Variants in ADAMTS18 observed in about 807,000 individuals in gnomAD.
ADAMTS18 encodes the protein A disintegrin and metalloproteinase with thrombospondin motifs 18.
A neutral mutation model predicts 165.9 loss-of-function variants in ADAMTS18; 157 were observed. That is an observed-to-expected ratio of 0.95 (90% CI 0.83 to 1.08). The LOEUF (loss-of-function observed/expected upper bound fraction) is 1.08, where lower values mean the gene tolerates loss of function less well. ADAMTS18 is among the 50% of genes least tolerant of loss of function. The pLI, the probability that ADAMTS18 is intolerant of heterozygous loss-of-function variation, is 0.00. For synonymous variants in ADAMTS18, 782 were observed against 578.2 expected, an observed-to-expected ratio of 1.35 and a Z score of -5.06; for missense variants, 2,040 against 1,534.0, an observed-to-expected ratio of 1.33 and a Z score of -5.51.
chr16:77,392,982 G>C (rs1194231908), intron 3 of ADAMTS18, among the ~76,000 whole-genome samples: 1 of 152,030 alleles, frequency 6.6e-6, no homozygotes, highest in Non-Finnish European at 1.5e-5. Context: ...GAAAATGTAG[G>C]CAGTAAAGAA....
intron 16 of ADAMTS18, among the ~76,000 whole-genome samples, chr16:77,307,374 G>A (rs1052930993): frequency 6.6e-6 from 1 of 152,162 alleles, no homozygotes; most frequent in African/African-American, 2.4e-5. Context: ...TTGCTATTAT[G>A]TGTGAGTGAT....
chr16:77,429,176 G>A (rs2057708712), intron 3 of ADAMTS18, among the ~76,000 whole-genome samples: 1 of 152,172 alleles, frequency 6.6e-6, no homozygotes, highest in Non-Finnish European at 1.5e-5. Flanking sequence ...CAAGGACATG[G>A]AATCAACCTA....
intron 12 of ADAMTS18, among the ~76,000 whole-genome samples, chr16:77,331,353 AACTAT>A (rs2056186256): frequency 6.6e-6 from 1 of 152,296 alleles, no homozygotes; most frequent in South Asian, 2.1e-4. Context: ...CAGATCCATG[AACTAT>A]ACTTCACAAA....
intron 3 of ADAMTS18, among the ~76,000 whole-genome samples, chr16:77,424,103 G>A (rs1393935990): frequency 6.6e-6 from 1 of 152,188 alleles, no homozygotes; most frequent in Non-Finnish European, 1.5e-5. Context: ...AAGGCCCAGA[G>A]ACATGAAGGA....
intron 3 of ADAMTS18, among the ~76,000 whole-genome samples, chr16:77,367,948 C>T (rs2056822967): frequency 6.6e-6 from 1 of 152,130 alleles, no homozygotes; most frequent in African/African-American, 2.4e-5. Context: ...ACAAACATGG[C>T]CCACTGCAGC....
rs764081033 is a variant in ADAMTS18, at chr16:77,293,160, G to C, written c.3105C>G (p.Pro1035=). The part of the protein sequence containing the change: ...TLPESQCTSL[P]RPELQEGCVL... The stretch of plus-strand genomic sequence containing the variant: ...CACAGCCCTCCTGCAGCTCAGGTCT[G>C]GGGAGACTGGTACACTGGCTCTCGG... Residue 1035 remains proline, a synonymous_variant, in exon 20 of 23, where the codon CCC becomes CCG. Coordinates refer to ENST00000282849, the MANE Select transcript of ADAMTS18 (RefSeq NM_199355.4). 2 of 1,613,978 alleles carry C rather than the reference G, an allele frequency of 1.2e-6. No homozygotes were observed. Among genetic ancestry groups the C allele is most frequent in the South Asian group, 2.2e-5 (2 of 91,062 alleles).
intron 3 of ADAMTS18, among the ~76,000 whole-genome samples, chr16:77,427,616 G>C (rs78735951): frequency 0.017 from 2,624 of 152,292 alleles, 80 homozygotes; most frequent in African/African-American, 0.06. Context: ...ACAGGGGTGA[G>C]CTTTTCTAGG....
chr16:77,356,517 G>A (rs1292231830), intron 8 of ADAMTS18, among the ~76,000 whole-genome samples: 1 of 152,128 alleles, frequency 6.6e-6, no homozygotes. Context: ...AGTTGTTTAT[G>A]AACTGTTCAT....
intron 3 of ADAMTS18, among the ~76,000 whole-genome samples, chr16:77,369,850 C>A (rs1285993414): frequency 6.6e-6 from 1 of 152,148 alleles, no homozygotes; most frequent in South Asian, 2.1e-4. Context: ...AAAATACTAG[C>A]AAACCAAATT....
chr16:77,418,839 A>G (rs1038531728), intron 3 of ADAMTS18, among the ~76,000 whole-genome samples: 9 of 152,274 alleles, frequency 5.9e-5, no homozygotes, highest in Admixed American at 3.3e-4. Context: ...AATTACCACA[A>G]ACTCAGCAGC....
intron 3 of ADAMTS18, among the ~76,000 whole-genome samples, chr16:77,416,483 T>C (rs1419186038): frequency 1.3e-5 from 2 of 152,132 alleles, no homozygotes; most frequent in East Asian, 3.9e-4. Context: ...ACTGTTCTCA[T>C]GGTAGTGAGT....
intron 20 of ADAMTS18, 28 bp from the exon 21 acceptor site, chr16:77,291,506 G>T: frequency 6.2e-7 from 1 of 1,606,912 alleles, no homozygotes; most frequent in African/African-American, 1.3e-5. Context: ...ATGTGTAAAA[G>T]TGAAGACTGC....
chr16:77,430,847 G>T (rs1389633830), intron 3 of ADAMTS18, among the ~76,000 whole-genome samples: 4 of 152,194 alleles, frequency 2.6e-5, no homozygotes, highest in Non-Finnish European at 5.9e-5. Context: ...GTTCAAAGAA[G>T]ACAAAAGGCC....
At chr16:77,294,880 C>T (rs1394263141) in intron 19 of ADAMTS18, 43 bp downstream of exon 19, 14 of 1,598,988 alleles carry the variant, frequency 8.8e-6, no homozygotes, top group Non-Finnish European at 1.1e-5. Context: ...CTTTTGCCTT[C>T]ATGGGGACCG....
chr16:77,355,894 T>C, intron 9 of ADAMTS18, 46 bp downstream of exon 9: 9 of 1,612,710 alleles, frequency 5.6e-6, no homozygotes, highest in Non-Finnish European at 7.6e-6. Flanking sequence ...CACAATTCTG[T>C]CATCACTCCA....
At chr16:77,346,601 C>T (rs1051364548) in intron 10 of ADAMTS18, among the ~76,000 whole-genome samples, 134 of 152,300 alleles carry the variant, frequency 8.8e-4, no homozygotes, top group African/African-American at 3.1e-3. Context: ...ATCTCCTCAA[C>T]ATGCTCATGA....
At chr16:77,346,282 C>T (rs1241986258) in intron 10 of ADAMTS18, among the ~76,000 whole-genome samples, 2 of 152,088 alleles carry the variant, frequency 1.3e-5, no homozygotes, top group African/African-American at 4.8e-5. Context: ...GTTTTGTTTT[C>T]TCCCCCACTA....
chr16:77,315,452 A>T (rs1299670630), intron 16 of ADAMTS18, among the ~76,000 whole-genome samples: 1 of 152,246 alleles, frequency 6.6e-6, no homozygotes, highest in African/African-American at 2.4e-5. Context: ...AACAGCTAGG[A>T]TGCCATCCCT....
intron 9 of ADAMTS18, among the ~76,000 whole-genome samples, chr16:77,354,757 G>C (rs2056603694): frequency 6.6e-6 from 1 of 152,174 alleles, no homozygotes; most frequent in African/African-American, 2.4e-5. Context: ...AGCAAAGTTA[G>C]CTGCTGCTGT....
Sources: gnomAD v4.1 joint callset for allele counts (sites outside exome capture counted in the v4.1 genomes callset) on GRCh38, gnomAD v4.1.1 for gene constraint, MANE v1.5 for transcripts, NCBI Gene and HGNC (gene_info 2026-07-23, HGNC 2026-07-21) for gene names.